MYOM3: variants seen among roughly 807,000 people sequenced by gnomAD.
MYOM3 encodes the protein myomesin-3.
Under a neutral mutation model 191.7 loss-of-function variants are expected in MYOM3, and 155 were observed. The observed-to-expected ratio is 0.81, with a 90% CI of 0.71 to 0.92. The LOEUF is 0.92. MYOM3 is among the 40% of genes least tolerant of loss of function. The pLI is 0.00. For synonymous variants in MYOM3, 757 were observed against 762.9 expected, an observed-to-expected ratio of 0.99 and a Z score of 0.13; for missense variants, 1,889 against 1,890.6, an observed-to-expected ratio of 1.00 and a Z score of 0.02.
intron 9 of MYOM3, among the ~76,000 whole-genome samples, chr1:24,094,452 C>A: frequency 6.6e-6 from 1 of 152,088 alleles, no homozygotes; most frequent in Non-Finnish European, 1.5e-5. Flanking sequence ...CAGGTGTGAG[C>A]CACCACGCCT....
Position 24,071,978 on chromosome 1 carries a change from T to C in MYOM3, c.3004A>G (p.Arg1002Gly). The C allele has an allele frequency of 1.2e-6, 2 of 1,614,164 alleles. No homozygotes were observed. Among genetic ancestry groups the C allele is most frequent in the Non-Finnish European group, 8.5e-7 (1 of 1,179,998 alleles). Reference protein sequence around the residue: ...EKLKKLSHEIRNPVIKLISGW... With the variant: ...EKLKKLSHEIGNPVIKLISGW... Reference sequence around the variant, plus strand: ...TGGACTGCTTGCTTACCTGGGTTTCTGATCTCATGACTCAGCTTCTTCAGC... The same window carrying C: ...TGGACTGCTTGCTTACCTGGGTTTCCGATCTCATGACTCAGCTTCTTCAGC... Residue 1002 changes from arginine to glycine, a missense_variant, in exon 24 of 37, where the codon AGA becomes GGA. Arg to Gly is a moderately radical substitution (Grantham distance 125, BLOSUM62 -2). Transcript: ENST00000374434.
At chr1:24,077,439 G>A (rs893851831) in intron 20 of MYOM3, among the ~76,000 whole-genome samples, 5 of 152,078 alleles carry the variant, frequency 3.3e-5, no homozygotes, top group Admixed American at 6.5e-5. Flanking sequence ...CATCCATCAC[G>A]CCATTTCACA....
chr1:24,090,779 T>C lies in MYOM3; in HGVS notation c.1432+18A>G. The stretch of plus-strand genomic sequence containing the variant: ...CTGACTGATGTTCTAGAAAGTCGCT[T>C]AGGACCTCTGTACCCACCTGTCTTC... On this transcript the variant is annotated intron_variant, in intron 12 of 36. Transcript: ENST00000374434. The C allele has an allele frequency of 6.2e-7, 1 of 1,613,248 alleles. No homozygotes were observed. The highest frequency in any genetic ancestry group is 8.5e-7 in the Non-Finnish European group (1 of 1,179,374).
In MYOM3 at chr1:24,090,976, T is replaced by G. The variant is rs757229846; in HGVS notation, c.1253A>C (p.Glu418Ala). ...GGGGGCCTCATGGCAGGCGATCCATTCCCCAGACTCGCCCTGGCACCTGTT... is the reference window on the plus strand; with the variant it reads ...GGGGGCCTCATGGCAGGCGATCCATGCCCCAGACTCGCCCTGGCACCTGTT... ...TIERCQGESG[E>A]WIACHEAPGG... Residue 418 changes from glutamate (E) to alanine (A), a missense_variant, in exon 12 of 37, where the codon GAA (glutamate) becomes GCA (alanine). Coordinates refer to ENST00000374434, the MANE Select transcript of MYOM3 (RefSeq NM_152372.4). 6.2e-7 allele frequency: 1 copy of G among 1,613,860 alleles called. No individual in the cohort carries two copies. The highest frequency in any genetic ancestry group is 1.3e-5 in the African/African-American group (1 of 74,956).
rs2148550330 is a variant in MYOM3 at position 24,080,099 on chromosome 1, C to CT, written c.2502dup (p.Gly835ArgfsTer12). ...TCCTCCTGGAAACTGACGTGATAGC[C>CT]TGTGACAGGCCCAGCCCCCATATAC... On this transcript the variant is annotated frameshift_variant, in exon 20 of 37. Transcript: ENST00000374434. LOFTEE classifies it high-confidence loss of function. The CT allele has an allele frequency of 6.2e-7, 1 of 1,614,170 alleles. No homozygotes were observed. Among genetic ancestry groups the CT allele is most frequent in the Non-Finnish European group, 8.5e-7 (1 of 1,180,024 alleles).
chr1:24,095,544 A>G, intron 7 of MYOM3, 58 bp from the exon 8 acceptor site: 1 of 1,505,950 alleles, frequency 6.6e-7, no homozygotes, highest in Non-Finnish European at 9.1e-7. Flanking sequence ...TTCCTATGCT[A>G]TTTTGGGGAC....
chr1:24,074,092 C>G, intron 23 of MYOM3, 68 bp downstream of exon 23: 2 of 1,318,012 alleles, frequency 1.5e-6, no homozygotes, highest in Non-Finnish European at 2.2e-6. Flanking sequence ...TTTTGCTGAC[C>G]TGTGTGGGCA....
chr1:24,066,002 C>T lies in MYOM3; in HGVS notation c.3424-1G>A. The T allele has an allele frequency of 6.2e-7, 1 of 1,603,748 alleles. No individual in the cohort carries two copies. The highest frequency in any genetic ancestry group is 8.5e-7 in the Non-Finnish European group (1 of 1,170,448). On this transcript the variant is annotated splice_acceptor_variant, in intron 28 of 36. Coordinates refer to ENST00000374434, the MANE Select transcript of MYOM3 (RefSeq NM_152372.4). LOFTEE classifies it high-confidence loss of function. ...GAGTCTCCTTCTTGGTGTTGGTCACCTGGGGAAGGTGGGGAATGAGGAGAC... is the reference window on the plus strand; with the variant it reads ...GAGTCTCCTTCTTGGTGTTGGTCACTTGGGGAAGGTGGGGAATGAGGAGAC...
At chr1:24,107,289 CTGGCCAGTTCCATT>C in intron 3 of MYOM3, 57 bp from the exon 4 acceptor site, 1 of 1,470,584 alleles carries the variant, frequency 6.8e-7, no homozygotes, top group Non-Finnish European at 9.2e-7. Context: ...CTGGGGCATC[CTGGCCAGTTCCATT>C]CCCTGTGCCC....
intron 25 of MYOM3, among the ~76,000 whole-genome samples, chr1:24,068,593 C>T (rs1024382868): frequency 4.6e-5 from 7 of 152,140 alleles, no homozygotes; most frequent in Admixed American, 2.6e-4. Context: ...CAGAGTCTCA[C>T]TCTTGCCTAG....
chr1:24,069,020 A>C (rs894707548), intron 25 of MYOM3, among the ~76,000 whole-genome samples: 2 of 152,144 alleles, frequency 1.3e-5, no homozygotes, highest in Non-Finnish European at 2.9e-5. Context: ...CATTGTGCCC[A>C]GCAGCTTATT....
chr1:24,067,372 CCT>C lies in MYOM3; in HGVS notation c.3356-286_3356-285del, dbSNP rs752073239. 7.1e-3 allele frequency among the ~76,000 whole-genome samples: 671 copies of C among 94,830 alleles called. 31 individuals carry two copies. The highest frequency in any genetic ancestry group is 0.027 in the Middle Eastern group (5 of 188). The allele number at this position is 94,830 out of a possible 152,430, so 62.2% of individuals were successfully genotyped here. On this transcript the variant is annotated intron_variant, in intron 27 of 36. Coordinates refer to ENST00000374434, the MANE Select transcript of MYOM3 (RefSeq NM_152372.4). ...TCTTTCTTTCTTTCTTTCTTTCTTT[CCT>C]TCTTTCTTTCTTTTTCCTTCCTTCC...
rs188844905 is a variant in MYOM3, at chr1:24,098,008, G to A, written c.660C>T (p.Cys220=). The A allele has an allele frequency of 1.6e-5, 26 of 1,607,734 alleles. No individual in the cohort carries two copies. The highest frequency in any genetic ancestry group is 3.3e-5 in the South Asian group (3 of 90,952). Residue 220 remains cysteine, a synonymous_variant, in exon 7 of 37, where the codon TGC becomes TGT. Coordinates refer to ENST00000374434, the MANE Select transcript of MYOM3 (RefSeq NM_152372.4). ...YGLLSLEIRR[C]AIEDSATYTV... ...TGTAAGTTGCTGAGTCCTCAATGGC[G>A]CATCTGAAAAGGAGAGAGGGAGAAG...
Position 24,104,391 on chromosome 1 carries a change from C to A in MYOM3, c.560+1529G>T, listed in dbSNP as rs549378999. On this transcript the variant is annotated intron_variant, in intron 5 of 36. Transcript: ENST00000374434. ...ACCCAGACTCTTTGATCTCAAATAT[C>A]ACCCACGAGTATACTTCTTTGTGTG... Among the ~76,000 whole-genome samples, 11 of 152,332 alleles carry A rather than the reference C, an allele frequency of 7.2e-5. No homozygotes were observed. In the South Asian group the frequency reaches 2.1e-3, roughly 29 times the overall value.
Position 24,089,664 on chromosome 1 carries a change from A to G in MYOM3, c.1488T>C (p.Asp496=), listed in dbSNP as rs969046638. The G allele has an allele frequency of 1.3e-6, 2 of 1,579,128 alleles. No homozygotes were observed. Among genetic ancestry groups the G allele is most frequent in the Non-Finnish European group, 1.7e-6 (2 of 1,162,384 alleles). Residue 496 remains aspartate (D), a splice_region_variant and synonymous_variant, in exon 14 of 37, where the codon GAT becomes GAC. Coordinates refer to ENST00000374434, the MANE Select transcript of MYOM3 (RefSeq NM_152372.4). ...KITISTDAFE[D]TVTIPSPPTN... The stretch of plus-strand genomic sequence containing the variant: ...TTGGCGGTGAGGGGATGGTCACAGT[A>G]TCTGAAATCAGAGTCACCCGGGACC...
chr1:24,109,630 A>G (rs1387850936), intron 1 of MYOM3, among the ~76,000 whole-genome samples: 2 of 152,246 alleles, frequency 1.3e-5, no homozygotes, highest in Non-Finnish European at 2.9e-5. Context: ...ACTATGTTCC[A>G]TGCCCATGTT....
chr1:24,062,995 G>C, intron 32 of MYOM3, 131 bp downstream of exon 32: 1 of 633,552 alleles, frequency 1.6e-6, no homozygotes, highest in Non-Finnish European at 2.9e-6. Flanking sequence ...TAACCCCTGG[G>C]ACCAGGCTCT....
chr1:24,082,363 G>T, intron 17 of MYOM3, 175 bp from the exon 18 acceptor site: 1 of 852,048 alleles, frequency 1.2e-6, no homozygotes, highest in Non-Finnish European at 1.8e-6. Flanking sequence ...CAGGTTTCTG[G>T]GTCTGAGGGC....
At position 24,086,715 on chromosome 1, in the gene MYOM3, C is replaced by T. The variant is rs779278585; in HGVS notation, c.1727G>A (p.Arg576Gln). Residue 576 changes from arginine to glutamine, a missense_variant, in exon 15 of 37, where the codon CGA (arginine) becomes CAA (glutamine). Transcript: ENST00000374434. ...GCTCAGGCCATACTGGTTCATTGCT[C>T]GCACTCTGAAGACATACGACTTCTT... ...EKKKSYVFRV[R>Q]AMNQYGLSDP... is the part of the protein sequence containing the mutation. The T allele has an allele frequency of 3.0e-5, 49 of 1,614,042 alleles. No individual in the cohort carries two copies. The highest frequency in any genetic ancestry group is 4.0e-5 in the African/African-American group (3 of 74,926).
Sources: allele counts gnomAD v4.1 joint callset (sites outside exome capture counted in the v4.1 genomes callset), GRCh38; gene constraint gnomAD v4.1.1; transcripts MANE v1.5; gene names NCBI Gene and HGNC (gene_info 2026-07-23, HGNC 2026-07-21).